The following NUDC variants were observed in gnomAD, a reference collection of about 807,000 sequenced individuals.
NUDC encodes the protein nuclear distribution C, dynein complex regulator.
NUDC carries 14 observed loss-of-function variants against 45.0 expected under a neutral mutation model. The observed-to-expected ratio is 0.31, with a 90% CI of 0.21 to 0.49. The LOEUF (loss-of-function observed/expected upper bound fraction) is 0.49, where lower values mean the gene tolerates loss of function less well. Ranked by LOEUF, NUDC falls within the 20% of genes least tolerant of loss-of-function variation. NUDC has a pLI of 0.99. For synonymous variants in NUDC, 153 were observed against 156.7 expected, an observed-to-expected ratio of 0.98 and a Z score of 0.17; for missense variants, 323 against 426.2, an observed-to-expected ratio of 0.76 and a Z score of 2.13.
chr1:26,920,521 A>G (rs892243293), upstream of NUDC, among the ~76,000 whole-genome samples: 4 of 151,850 alleles, frequency 2.6e-5, no homozygotes, highest in Admixed American at 2.0e-4. Context: ...TATACTGTAG[A>G]GAGATGGGAG....
At chr1:26,909,349 C>T (rs1311617730) in intron 2 of NUDC, among the ~76,000 whole-genome samples, 2 of 152,252 alleles carry the variant, frequency 1.3e-5, no homozygotes, top group South Asian at 2.1e-4. Context: ...AACTCCTGGG[C>T]TCAAGCGATC....
intron 2 of NUDC, among the ~76,000 whole-genome samples, chr1:26,924,579 A>C (rs952599494): frequency 1.3e-4 from 20 of 152,318 alleles, no homozygotes; most frequent in Admixed American, 9.2e-4. Flanking sequence ...TCTGAGACAG[A>C]GTCTTGCTTT....
At chr1:26,933,913 G>A (rs1363627400) in intron 2 of NUDC, among the ~76,000 whole-genome samples, 1 of 152,168 alleles carries the variant, frequency 6.6e-6, no homozygotes, top group Admixed American at 6.5e-5. Context: ...CCACCACTTT[G>A]GGTGGCCAAG....
At chr1:26,930,005 CAA>C (rs1296245396) in intron 2 of NUDC, among the ~76,000 whole-genome samples, 1 of 152,134 alleles carries the variant, frequency 6.6e-6, no homozygotes, top group Admixed American at 6.6e-5. Context: ...CCCTGGGCAA[CAA>C]GAGTGAAACT....
chr1:26,934,840 G>A (rs542186572), intron 2 of NUDC, among the ~76,000 whole-genome samples: 1 of 151,834 alleles, frequency 6.6e-6, no homozygotes, highest in Non-Finnish European at 1.5e-5. Flanking sequence ...TGTGTTTTTA[G>A]TAAAGACGGG....
intron 2 of NUDC, among the ~76,000 whole-genome samples, chr1:26,932,267 T>C (rs1039055079): frequency 6.7e-6 from 1 of 150,280 alleles, no homozygotes. Flanking sequence ...ACCTCTGCCT[T>C]CCGGGTTCAA....
chr1:26,937,296 ACT>A (rs1009877288), intron 2 of NUDC, among the ~76,000 whole-genome samples: 2 of 151,952 alleles, frequency 1.3e-5, no homozygotes, highest in Admixed American at 6.6e-5. Flanking sequence ...ACAGGTTCTC[ACT>A]CTCACGCAGG....
At chr1:26,903,927 T>G (rs1029606334) in intron 2 of NUDC, among the ~76,000 whole-genome samples, 1 of 149,596 alleles carries the variant, frequency 6.7e-6, no homozygotes, top group East Asian at 2.0e-4. Flanking sequence ...AGGAGAATGG[T>G]GTGAACCCGG....
At chr1:26,934,809 C>T (rs970509992) in intron 2 of NUDC, among the ~76,000 whole-genome samples, 1 of 151,514 alleles carries the variant, frequency 6.6e-6, no homozygotes, top group Non-Finnish European at 1.5e-5. Context: ...AGGCACCCCC[C>T]ACCATGCCCG....
chr1:26,927,342 G>A (rs1293864314), intron 2 of NUDC, among the ~76,000 whole-genome samples: 1 of 149,854 alleles, frequency 6.7e-6, no homozygotes, highest in East Asian at 2.0e-4. Context: ...GAGCACAGTG[G>A]CGTGATCCAG....
intron 2 of NUDC, among the ~76,000 whole-genome samples, chr1:26,927,617 C>T (rs2082145107): frequency 6.6e-6 from 1 of 151,902 alleles, no homozygotes; most frequent in East Asian, 1.9e-4. Flanking sequence ...AGGTTGGTCT[C>T]GAACTCCTGA....
At chr1:26,925,921 C>T (rs2082128351) in intron 2 of NUDC, among the ~76,000 whole-genome samples, 1 of 151,676 alleles carries the variant, frequency 6.6e-6, no homozygotes, top group Admixed American at 6.6e-5. Context: ...GGGGTTTCAC[C>T]ATGTTGGCCA....
chr1:26,921,909 C>A lies in NUDC; in HGVS notation c.61C>A (p.His21Asn), dbSNP rs1055779019. ...CATGTTGCTGGCCATGGCTCAGCAG[C>A]ACGAGGGCGGCGTGCAGGAGGTAAC... ...DGMLLAMAQQ[H>N]EGGVQELVNT... Residue 21 changes from histidine to asparagine, a missense_variant, in exon 1 of 9, where the codon CAC becomes AAC. Coordinates refer to ENST00000321265, the MANE Select transcript of NUDC (RefSeq NM_006600.4). 1.9e-6 allele frequency: 3 copies of A among 1,553,590 alleles called. No homozygotes were observed. Among genetic ancestry groups the A allele is most frequent in the Non-Finnish European group, 2.6e-6 (3 of 1,148,208 alleles).
intron 2 of NUDC, among the ~76,000 whole-genome samples, chr1:26,940,771 C>T (rs1475023389): frequency 1.3e-5 from 2 of 151,152 alleles, no homozygotes; most frequent in Non-Finnish European, 3.0e-5. Context: ...CTGCAACCTC[C>T]ACCTCCCTAG....
intron 2 of NUDC, among the ~76,000 whole-genome samples, chr1:26,904,184 C>CTT (rs55759997): frequency 4.0e-4 from 55 of 137,210 alleles, no homozygotes; most frequent in African/African-American, 1.3e-3. Context: ...TTATTACATA[C>CTT]TTTTTTTTTT....
intron 2 of NUDC, among the ~76,000 whole-genome samples, chr1:26,927,139 G>T (rs956289326): frequency 4.6e-5 from 7 of 151,880 alleles, no homozygotes; most frequent in African/African-American, 1.7e-4. Flanking sequence ...AGGAAGTGAC[G>T]CTTCAGATAT....
At chr1:26,905,098 A>G (rs1053337412) in intron 2 of NUDC, among the ~76,000 whole-genome samples, 5 of 150,606 alleles carry the variant, frequency 3.3e-5, no homozygotes, top group Non-Finnish European at 5.9e-5. Flanking sequence ...TCGGCCTCCC[A>G]AAGTGCTGGG....
Position 26,912,055 on chromosome 1 carries a change from A to G in NUDC, c.93+820A>G, listed in dbSNP as rs1415361305. The G allele has an allele frequency of 1.9e-5, 31 of 1,613,912 alleles. No homozygotes were observed. Among genetic ancestry groups the G allele is most frequent in the Non-Finnish European group, 2.5e-5 (29 of 1,180,038 alleles). On this transcript the variant is annotated intron_variant, in intron 3 of 6. Coordinates refer to the NUDC transcript ENST00000435827. ...AGTGAGCCTCCTGCTGCAGGTGCCC[A>G]ATGTGGGAGGCGGCTTGGAGGCCTG...
intron 2 of NUDC, among the ~76,000 whole-genome samples, chr1:26,909,717 CAT>C (rs2082017440): frequency 6.6e-6 from 1 of 152,024 alleles, no homozygotes; most frequent in Admixed American, 6.6e-5. Context: ...AGAGTGGTCT[CAT>C]GTGTCTACAA....
Sources: allele counts gnomAD v4.1 joint callset (sites outside exome capture counted in the v4.1 genomes callset), GRCh38; gene constraint gnomAD v4.1.1; transcripts MANE v1.5; gene names NCBI Gene and HGNC (gene_info 2026-07-23, HGNC 2026-07-21).